Variants in GABBR2 observed in about 807,000 individuals in gnomAD.
GABBR2 encodes the protein gamma-aminobutyric acid type B receptor subunit 2, also known as G-protein coupled receptor 51.
In GABBR2, 23 loss-of-function variants were observed where a neutral mutation model predicts 105.6. The observed-to-expected ratio is 0.22, with a 90% CI of 0.16 to 0.31. The LOEUF (loss-of-function observed/expected upper bound fraction) is 0.31. GABBR2 is among the 10% of genes least tolerant of loss of function. The pLI is 1.00. For synonymous variants in GABBR2, 478 were observed against 499.7 expected (o/e 0.96, Z 0.58); for missense variants, 734 against 1,245.5 (o/e 0.59, Z 6.18).
intron 7 of GABBR2, among the ~76,000 whole-genome samples, chr9:98,444,184 AG>A: frequency 6.6e-6 from 1 of 152,362 alleles, no homozygotes; most frequent in South Asian, 2.1e-4. Flanking sequence ...ACTATGTCCC[AG>A]GCACCCAGTT....
intron 16 of GABBR2, among the ~76,000 whole-genome samples, chr9:98,301,650 T>C (rs911440374): frequency 4.6e-5 from 7 of 152,216 alleles, no homozygotes; most frequent in African/African-American, 1.7e-4. Flanking sequence ...GTGATTCATT[T>C]CCGGGAAAAA....
At chr9:98,397,855 G>T (rs1201003718) in intron 8 of GABBR2, among the ~76,000 whole-genome samples, 2 of 152,132 alleles carry the variant, frequency 1.3e-5, no homozygotes, top group Non-Finnish European at 2.9e-5. Context: ...ATTCCTGCTG[G>T]CTAGCCTTGC....
chr9:98,437,637 CCTGTTAATCCATCCATCTACCCACACAT>C (rs1825949734), intron 7 of GABBR2, among the ~76,000 whole-genome samples: 1 of 151,582 alleles, frequency 6.6e-6, no homozygotes, highest in African/African-American at 2.4e-5. Flanking sequence ...CTGCCATCTT[CCTGTTAATCCATCCATCTACCCACACAT>C]CCATCTGTGC....
chr9:98,513,467 G>A (rs1039809827), intron 3 of GABBR2, among the ~76,000 whole-genome samples: 79 of 151,970 alleles, frequency 5.2e-4, no homozygotes, highest in African/African-American at 1.8e-3. Context: ...GAGTGAACAG[G>A]CAACCTACAG....
At chr9:98,683,305 G>T (rs1830574217) in intron 1 of GABBR2, among the ~76,000 whole-genome samples, 1 of 152,048 alleles carries the variant, frequency 6.6e-6, no homozygotes, top group Non-Finnish European at 1.5e-5. Context: ...TGTTGGTCAG[G>T]CTGGTCAGGC....
chr9:98,503,019 C>T (rs982933698), intron 3 of GABBR2, among the ~76,000 whole-genome samples: 1 of 152,194 alleles, frequency 6.6e-6, no homozygotes, highest in Non-Finnish European at 1.5e-5. Context: ...TGTTCACTGT[C>T]CTGGATCTCT....
At chr9:98,705,213 C>T (rs151126076) in intron 1 of GABBR2, among the ~76,000 whole-genome samples, 249 of 152,286 alleles carry the variant, frequency 1.6e-3, no homozygotes, top group African/African-American at 5.6e-3. Context: ...TTTGCTGAAG[C>T]CATTTGGTGT....
intron 11 of GABBR2, among the ~76,000 whole-genome samples, chr9:98,371,919 C>T (rs1171799464): frequency 1.3e-5 from 2 of 152,190 alleles, no homozygotes; most frequent in Non-Finnish European, 2.9e-5. Context: ...CTGGCCTTCA[C>T]TTCCCCTCCT....
At chr9:98,316,340 C>T (rs994314554) in intron 13 of GABBR2, among the ~76,000 whole-genome samples, 24 of 152,084 alleles carry the variant, frequency 1.6e-4, no homozygotes, top group East Asian at 3.9e-4. Context: ...TTATTAGAGA[C>T]GGGGTTTCTC....
At chr9:98,295,281 A>G (rs1019874974) in intron 17 of GABBR2, among the ~76,000 whole-genome samples, 1 of 152,128 alleles carries the variant, frequency 6.6e-6, no homozygotes, top group African/African-American at 2.4e-5. Context: ...TTATATTGTA[A>G]ATAAGTATCT....
chr9:98,686,691 G>T (rs1201812125), intron 1 of GABBR2, among the ~76,000 whole-genome samples: 1 of 152,098 alleles, frequency 6.6e-6, no homozygotes, highest in Non-Finnish European at 1.5e-5. Flanking sequence ...CCACTGCACT[G>T]GGCCTAAAAT....
At chr9:98,383,799 T>C (rs971347767) in intron 11 of GABBR2, among the ~76,000 whole-genome samples, 1 of 152,196 alleles carries the variant, frequency 6.6e-6, no homozygotes, top group Non-Finnish European at 1.5e-5. Flanking sequence ...CTGTAAGATC[T>C]TGGGGGGCTT....
chr9:98,292,440 G>A (rs907774731), intron 18 of GABBR2, among the ~76,000 whole-genome samples: 5 of 152,218 alleles, frequency 3.3e-5, no homozygotes, highest in Admixed American at 3.3e-4. Context: ...CCAACTGGGT[G>A]TGCCCTTGGG....
intron 1 of GABBR2, among the ~76,000 whole-genome samples, chr9:98,661,047 A>G (rs1830253391): frequency 6.6e-6 from 1 of 152,200 alleles, no homozygotes; most frequent in African/African-American, 2.4e-5. Flanking sequence ...CTGGGACTAC[A>G]GGCATGCGCC....
intron 1 of GABBR2, 146 bp from the exon 2 acceptor site, chr9:98,578,218 G>A: frequency 3.7e-6 from 3 of 807,314 alleles, no homozygotes. Flanking sequence ...CCAGCCCTGA[G>A]TCCACGCTGT....
intron 1 of GABBR2, among the ~76,000 whole-genome samples, chr9:98,634,575 G>T (rs1000181693): frequency 3.9e-5 from 6 of 152,160 alleles, no homozygotes; most frequent in Non-Finnish European, 8.8e-5. Flanking sequence ...ACCAGAGCTG[G>T]AAGAGGCAAG....
chr9:98,384,038 C>T (rs1158787211), intron 11 of GABBR2, among the ~76,000 whole-genome samples: 2 of 152,178 alleles, frequency 1.3e-5, no homozygotes, highest in Non-Finnish European at 2.9e-5. Flanking sequence ...ACAGTGCTCT[C>T]AACGTCTTGA....
At chr9:98,311,228 C>T in intron 13 of GABBR2, 23 bp from the exon 14 acceptor site, 3 of 1,456,870 alleles carry the variant, frequency 2.1e-6, no homozygotes, top group Non-Finnish European at 2.9e-6. Context: ...AAAACAGAGA[C>T]TCAGGGATGG....
intron 1 of GABBR2, among the ~76,000 whole-genome samples, chr9:98,699,924 C>A (rs1830807345): frequency 6.6e-6 from 1 of 152,168 alleles, no homozygotes; most frequent in African/African-American, 2.4e-5. Flanking sequence ...GCAAACTATG[C>A]CATTTAATTT....
Sources: gnomAD v4.1 joint callset for allele counts (sites outside exome capture counted in the v4.1 genomes callset) on GRCh38, gnomAD v4.1.1 for gene constraint, MANE v1.5 for transcripts, NCBI Gene and HGNC (gene_info 2026-07-23, HGNC 2026-07-21) for gene names.